Variants in SETX observed in about 807,000 individuals in gnomAD.
SETX encodes senataxin.
In SETX, 90 loss-of-function variants were observed where a neutral mutation model predicts 227.2. That is an observed-to-expected ratio of 0.40 (90% CI 0.33 to 0.47). The LOEUF (loss-of-function observed/expected upper bound fraction) is 0.47. Ranked by LOEUF, SETX falls within the 20% of genes least tolerant of loss-of-function variation. The pLI, the probability that SETX is intolerant of heterozygous loss-of-function variation, is 0.91. For synonymous variants in SETX, 1,210 were observed against 1,113.2 expected (o/e 1.09, Z -1.73); for missense variants, 3,052 against 3,181.5 (o/e 0.96, Z 0.98).
rs757554863 is a variant in SETX at position 132,264,463 on chromosome 9, C to T, written c.7810G>A (p.Val2604Met). ...CTGGCAGCTGGAGGTTCGCCCCGCACGGGAGGTTTGTGGCTGCTCAGAGCA... is the reference window on the plus strand; with the variant it reads ...CTGGCAGCTGGAGGTTCGCCCCGCATGGGAGGTTTGTGGCTGCTCAGAGCA... The part of the protein sequence containing the change: ...VAALSSHKPP[V>M]RGEPPAASPE... The change falls in exon 26 of 26, where the codon GTG becomes ATG. Residue 2604 changes from valine to methionine, a missense_variant. Coordinates refer to ENST00000224140, the MANE Select transcript of SETX (RefSeq NM_015046.7). 11 of 1,591,652 alleles carry T rather than the reference C, an allele frequency of 6.9e-6. No individual in the cohort carries two copies. Among genetic ancestry groups the T allele is most frequent in the South Asian group, 3.3e-5 (3 of 90,652 alleles).
intron 9 of SETX, 135 bp downstream of exon 9, chr9:132,330,917 G>C: frequency 2.7e-6 from 2 of 732,850 alleles, no homozygotes; most frequent in South Asian, 3.0e-5. Flanking sequence ...GCTGTTCAAT[G>C]AGAAGGGCTT....
At chr9:132,332,583 AGATG>A (rs61340246) in intron 7 of SETX, among the ~76,000 whole-genome samples, 2,813 of 152,348 alleles carry the variant, frequency 0.018, 32 homozygotes, top group Middle Eastern at 0.031. Context: ...CAAAGTAGTT[AGATG>A]AAGACAATTA....
chr9:132,297,335 TCA>T (rs1275160721), intron 13 of SETX, among the ~76,000 whole-genome samples: 1 of 152,240 alleles, frequency 6.6e-6, no homozygotes, highest in African/African-American at 2.4e-5. Flanking sequence ...ACAAAGATAA[TCA>T]CAATAAATTG....
At chr9:132,286,370 T>C in intron 18 of SETX, 53 bp downstream of exon 18, 1 of 1,345,258 alleles carries the variant, frequency 7.4e-7, no homozygotes, top group Non-Finnish European at 1.0e-6. Flanking sequence ...CATACTTAAA[T>C]TTTAAAAAGA....
At chr9:132,276,961 A>T in intron 22 of SETX, 99 bp downstream of exon 22, 1 of 1,021,424 alleles carries the variant, frequency 9.8e-7, no homozygotes, top group Non-Finnish European at 1.5e-6. Context: ...GACACTAGGC[A>T]GAGAGATGTG....
intron 11 of SETX, among the ~76,000 whole-genome samples, chr9:132,305,234 G>A (rs1455178338): frequency 6.7e-6 from 1 of 149,900 alleles, no homozygotes. Flanking sequence ...GCCGCCTGTA[G>A]TCCCAGCAAC....
intron 18 of SETX, among the ~76,000 whole-genome samples, chr9:132,283,776 A>G (rs773822081): frequency 1.3e-5 from 2 of 152,208 alleles, no homozygotes; most frequent in Admixed American, 6.5e-5. Flanking sequence ...TATGAGTAAA[A>G]CCAGGGGTGG....
At chr9:132,313,850 A>G (rs1845810860) in intron 10 of SETX, among the ~76,000 whole-genome samples, 3 of 151,672 alleles carry the variant, frequency 2.0e-5, no homozygotes, top group South Asian at 4.1e-4. Context: ...AATAAAAAGA[A>G]AACAAGCTCC....
In SETX at chr9:132,336,347, G is replaced by A. The variant is rs774068411; in HGVS notation, c.667C>T (p.Leu223Phe). 13 of 1,613,944 alleles carry A rather than the reference G, an allele frequency of 8.1e-6. No individual in the cohort carries two copies. Among genetic ancestry groups the A allele is most frequent in the Admixed American group, 1.7e-5 (1 of 59,994 alleles). Residue 223 changes from leucine (L) to phenylalanine (F), a missense_variant, in exon 6 of 26, where the codon CTT becomes TTT. Leu to Phe is a conservative substitution (Grantham distance 22, BLOSUM62 0). Coordinates refer to ENST00000224140, the MANE Select transcript of SETX (RefSeq NM_015046.7). ...SSVLEKGKLI[L>F]LPSHMYDTTN... ...GTATCATACATGTGTGAGGGCAGAA[G>A]AATCAGTTTACCCTTCTCTAGGACA...
At position 132,329,596 on chromosome 9, in the gene SETX, T is replaced by C. The variant is rs1847089803; in HGVS notation, c.2002A>G (p.Asn668Asp). ...TCCTTTATATAATTTTGCTCATTAT[T>C]GTCACCTTCTATAGTGTTATCTGCT... Reference protein sequence around the residue: ...IKADNTIEGDNNEQNYIKDVK... With the variant: ...IKADNTIEGDDNEQNYIKDVK... The change falls in exon 10 of 26, where the codon AAT becomes GAT. Residue 668 changes from asparagine to aspartate, a missense_variant. Coordinates refer to ENST00000224140, the MANE Select transcript of SETX (RefSeq NM_015046.7). The C allele has an allele frequency of 1.9e-6, 3 of 1,613,760 alleles. No homozygotes were observed. Among genetic ancestry groups the C allele is most frequent in the Admixed American group, 1.7e-5 (1 of 60,000 alleles).
chr9:132,300,641 C>A lies in SETX; in HGVS notation c.5537G>T (p.Arg1846Leu), dbSNP rs373571937. 14 of 1,613,354 alleles carry A rather than the reference C, an allele frequency of 8.7e-6. No individual in the cohort carries two copies. The highest frequency in any genetic ancestry group is 1.2e-5 in the Non-Finnish European group (14 of 1,179,836). Reference protein sequence around the residue: ...YHSGYVHKFRRTSVMRNGKTE... With the variant: ...YHSGYVHKFRLTSVMRNGKTE... ...CATTATTTACTTACTGACTGACGTG[C>A]GGCGAAATTTATGAACATAACCAGA... The change falls in exon 12 of 26, where the codon CGC (arginine) becomes CTC (leucine). Residue 1846 changes from arginine to leucine, a missense_variant. Physicochemically the swap from Arg to Leu is moderately radical, Grantham distance 102. This residue lies in a region of SETX where 239 missense variants were observed against 272.1 expected (regional missense o/e 0.88). Coordinates refer to ENST00000224140, the MANE Select transcript of SETX (RefSeq NM_015046.7).
chr9:132,350,337 G>T (rs1257114417), intron 2 of SETX, among the ~76,000 whole-genome samples: 1 of 152,122 alleles, frequency 6.6e-6, no homozygotes, highest in South Asian at 2.1e-4. Context: ...GTGACAGAGT[G>T]AAACTCTGTC....
rs1407086718 is a variant in SETX at position 132,278,140 on chromosome 9, A to G, written c.6772T>C (p.Tyr2258His). The G allele has an allele frequency of 1.2e-6, 2 of 1,614,186 alleles. No individual in the cohort carries two copies. Among genetic ancestry groups the G allele is most frequent in the South Asian group, 1.1e-5 (1 of 91,078 alleles). ...AGGCATATGTCTGGATGCATCCTGTACTGAACAGTGAGCTGTAGAATGGGC... is the reference window on the plus strand; with the variant it reads ...AGGCATATGTCTGGATGCATCCTGTGCTGAACAGTGAGCTGTAGAATGGGC... ...RLPILQLTVQ[Y>H]RMHPDICLFP... Residue 2258 changes from tyrosine (Y) to histidine (H), a missense_variant, in exon 21 of 26, where the codon TAC becomes CAC. This residue lies in a region of SETX where 412 missense variants were observed against 589.0 expected (regional missense o/e 0.70). Coordinates refer to ENST00000224140, the MANE Select transcript of SETX (RefSeq NM_015046.7).
rs1015257691 is a variant in SETX at position 132,329,647 on chromosome 9, T to C, written c.1951A>G (p.Lys651Glu). 3.1e-6 allele frequency: 5 copies of C among 1,613,624 alleles called. No homozygotes were observed. The highest frequency in any genetic ancestry group is 1.6e-4 in the Middle Eastern group (1 of 6,084). ...TTGATCAATACACTGTCTTGCACTT[T>C]CATTGGTTCTTTAGAAAATGTTGGG... ...SSPTFSKEPM[K>E]VQDSVLIKAD... The change falls in exon 10 of 26, where the codon AAA (lysine) becomes GAA (glutamate). Residue 651 changes from lysine (K) to glutamate (E), a missense_variant. This residue lies in a region of SETX where 1,483 missense variants were observed against 1,312.0 expected (regional missense o/e 1.13). Transcript: ENST00000224140.
At chr9:132,355,693 C>T (rs1296265594), upstream of SETX, among the ~76,000 whole-genome samples, 1 of 151,470 alleles carries the variant, frequency 6.6e-6, no homozygotes, top group Non-Finnish European at 1.5e-5. Context: ...AAAATTAAAA[C>T]TCAGCCACCG....
At chr9:132,339,007 C>T (rs1465419073) in intron 5 of SETX, among the ~76,000 whole-genome samples, 1 of 152,186 alleles carries the variant, frequency 6.6e-6, no homozygotes, top group Non-Finnish European at 1.5e-5. Flanking sequence ...AAACAATCCT[C>T]CAACCCTGGC....
chr9:132,282,317 A>ATT (rs1405851398), intron 19 of SETX, among the ~76,000 whole-genome samples: 5 of 147,286 alleles, frequency 3.4e-5, no homozygotes, highest in African/African-American at 1.3e-4. Context: ...TTTTTTTGAG[A>ATT]GAGAGAGTCT....
Position 132,344,565 on chromosome 9 carries a change from T to C in SETX, c.388+1696A>G, listed in dbSNP as rs150485655. On this transcript the variant is annotated intron_variant, in intron 4 of 25. Coordinates refer to ENST00000224140, the MANE Select transcript of SETX (RefSeq NM_015046.7). The stretch of plus-strand genomic sequence containing the variant: ...TGCAACTATTGGGAAAATATGAAAA[T>C]GAACTAGATTTTAGTATCGTTATTT... 6.6e-5 allele frequency among the ~76,000 whole-genome samples: 10 copies of C among 152,282 alleles called. No individual in the cohort carries two copies. In the South Asian group the frequency reaches 1.9e-3, roughly 28 times the overall value.
At chr9:132,311,637 A>C (rs1281567655) in intron 11 of SETX, 120 bp downstream of exon 11, 1 of 708,506 alleles carries the variant, frequency 1.4e-6, no homozygotes, top group African/African-American at 1.8e-5. Context: ...TATTCTAAGA[A>C]GTCACAAATT....
Sources: gnomAD v4.1 joint callset for allele counts (sites outside exome capture counted in the v4.1 genomes callset) on GRCh38, gnomAD v4.1.1 for gene constraint, gnomAD v4.1.1 regional missense constraint, MANE v1.5 for transcripts, NCBI Gene and HGNC (gene_info 2026-07-23, HGNC 2026-07-21) for gene names.